SLC24A1: variants seen among roughly 807,000 people sequenced by gnomAD.
SLC24A1 encodes sodium/potassium/calcium exchanger 1.
Under a neutral mutation model 88.1 loss-of-function variants are expected in SLC24A1, and 52 were observed. The ratio of observed to expected loss-of-function variants is 0.59; its 90% confidence interval spans 0.47 to 0.74. The LOEUF is 0.74. SLC24A1 is among the 30% of genes least tolerant of loss of function. The pLI is 0.00. For synonymous variants in SLC24A1, 455 were observed against 498.0 expected, an observed-to-expected ratio of 0.91 and a Z score of 1.15; for missense variants, 1,173 against 1,363.3, an observed-to-expected ratio of 0.86 and a Z score of 2.20.
intron 4 of SLC24A1, among the ~76,000 whole-genome samples, chr15:65,641,646 T>G (rs1431766209): frequency 6.6e-6 from 1 of 152,224 alleles, no homozygotes; most frequent in Non-Finnish European, 1.5e-5. Flanking sequence ...GTTTGCAGAA[T>G]GGAAGCTGCA....
intron 3 of SLC24A1, among the ~76,000 whole-genome samples, chr15:65,639,120 C>G (rs2075037018): frequency 6.6e-6 from 1 of 152,204 alleles, no homozygotes; most frequent in African/African-American, 2.4e-5. Context: ...CACCTAGCTT[C>G]TTTGAGTTTT....
chr15:65,656,044 A>T lies in SLC24A1; in HGVS notation c.*1965A>T. ...GGCCTAAGAACAGGAGGAGAAGGCA[A>T]TGCTTGTGGGAGGGAGGTCCCAATA... On this transcript the variant is annotated 3_prime_UTR_variant, in exon 10 of 10. Coordinates refer to ENST00000261892, the MANE Select transcript of SLC24A1 (RefSeq NM_004727.3). 1 of 985,374 alleles carries T rather than the reference A, an allele frequency of 1.0e-6. No individual in the cohort carries two copies. The allele number at this position is 985,374 out of a possible 1,614,324, so 61.0% of individuals were successfully genotyped here.
chr15:65,633,946 A>G (rs2074819087), intron 2 of SLC24A1, among the ~76,000 whole-genome samples: 1 of 152,208 alleles, frequency 6.6e-6, no homozygotes. Flanking sequence ...GAGGCTGTGC[A>G]GGACTATAGG....
Position 65,650,964 on chromosome 15 carries a change from T to A in SLC24A1, c.2793+22T>A. The A allele has an allele frequency of 6.2e-7, 1 of 1,604,000 alleles. No individual in the cohort carries two copies. The highest frequency in any genetic ancestry group is 8.5e-7 in the Non-Finnish European group (1 of 1,170,914). Reference sequence around the variant, plus strand: ...GCAGGTGAGTGTGCCCATCTGTATCTCAGACTCTTTATCCCCAGCAGGGCT... The same window carrying A: ...GCAGGTGAGTGTGCCCATCTGTATCACAGACTCTTTATCCCCAGCAGGGCT... On this transcript the variant is annotated intron_variant, in intron 7 of 9. Coordinates refer to ENST00000261892, the MANE Select transcript of SLC24A1 (RefSeq NM_004727.3). This position sits in a 1 kb window ranked among gnomAD's most constrained non-coding sequence, Gnocchi z 4.1.
At chr15:65,656,441 TA>T (rs777815277), downstream of SLC24A1, among the ~76,000 whole-genome samples, 4 of 152,236 alleles carry the variant, frequency 2.6e-5, no homozygotes, top group Non-Finnish European at 5.9e-5. Context: ...AAAACTTGTG[TA>T]ACTTTTAAAA....
intron 5 of SLC24A1, among the ~76,000 whole-genome samples, chr15:65,645,038 C>A (rs1402845196): frequency 6.6e-6 from 1 of 152,176 alleles, no homozygotes; most frequent in Non-Finnish European, 1.5e-5. Context: ...GCACAGCACA[C>A]CAGGACTGCC....
At chr15:65,630,408 C>T (rs1031772034) in intron 2 of SLC24A1, among the ~76,000 whole-genome samples, 16 of 152,312 alleles carry the variant, frequency 1.1e-4, no homozygotes, top group Admixed American at 7.2e-4. Context: ...ATCCTAAGGG[C>T]TTCTATCAGT....
At position 65,625,226 on chromosome 15, in the gene SLC24A1, G is replaced by C; in HGVS notation, c.1146G>C (p.Thr382=). The change falls in exon 2 of 10, where the codon ACG becomes ACC. Residue 382 remains threonine (T), a synonymous_variant. Coordinates refer to ENST00000261892, the MANE Select transcript of SLC24A1 (RefSeq NM_004727.3). ...STAPSTSTTP[T]VRAKLTMQVH... ...CACCCAGCACCTCAACAACCCCTAC[G>C]GTCAGGGCAAAGCTGACCATGCAGG... 6.2e-7 allele frequency: 1 copy of C among 1,613,828 alleles called. No individual in the cohort carries two copies. The highest frequency in any genetic ancestry group is 1.1e-5 in the South Asian group (1 of 91,056).
chr15:65,651,560 C>T, intron 7 of SLC24A1, 110 bp from the exon 8 acceptor site: 1 of 678,782 alleles, frequency 1.5e-6, no homozygotes, highest in South Asian at 1.6e-5. Flanking sequence ...CATTTTGCCT[C>T]CATCACTCTT....
At chr15:65,623,378 C>T (rs1465081310) in intron 1 of SLC24A1, among the ~76,000 whole-genome samples, 1 of 152,158 alleles carries the variant, frequency 6.6e-6, no homozygotes, top group Non-Finnish European at 1.5e-5. Flanking sequence ...CCCCATGATC[C>T]TCCCACCATG....
intron 2 of SLC24A1, among the ~76,000 whole-genome samples, chr15:65,626,478 G>A (rs1401182578): frequency 2.0e-5 from 3 of 152,182 alleles, no homozygotes; most frequent in African/African-American, 7.2e-5. Context: ...TGGAGGGGCT[G>A]ATGGCTTGGA....
At position 65,655,023 on chromosome 15, in the gene SLC24A1, T is replaced by C; in HGVS notation, c.*944T>C. 9.5e-7 allele frequency: 1 copy of C among 1,049,148 alleles called. No individual in the cohort carries two copies. Among genetic ancestry groups the C allele is most frequent in the South Asian group, 2.9e-5 (1 of 34,016 alleles). The allele number at this position is 1,049,148 out of a possible 1,614,324, so 65.0% of individuals were successfully genotyped here. ...TAATTTGCCCTTGAATTGGAAGGAA[T>C]GGAGATTAGGGAAGGAAAACTACTC... On this transcript the variant is annotated 3_prime_UTR_variant, in exon 10 of 10. Coordinates refer to ENST00000261892, the MANE Select transcript of SLC24A1 (RefSeq NM_004727.3).
intron 2 of SLC24A1, among the ~76,000 whole-genome samples, chr15:65,613,258 G>A (rs1351518709): frequency 6.6e-6 from 1 of 152,162 alleles, no homozygotes; most frequent in Non-Finnish European, 1.5e-5. Context: ...GCTTTGAAAG[G>A]CAGTGTTTGA....
intron 8 of SLC24A1, 72 bp downstream of exon 8, chr15:65,651,831 G>A (rs185983162): frequency 1.3e-5 from 10 of 791,670 alleles, no homozygotes; most frequent in Admixed American, 7.7e-5. Flanking sequence ...ATCAATCTCC[G>A]GTACTCAGGG....
At chr15:65,623,583 C>G (rs535752968) in intron 1 of SLC24A1, among the ~76,000 whole-genome samples, 11 of 152,266 alleles carry the variant, frequency 7.2e-5, no homozygotes, top group Non-Finnish European at 1.3e-4. Context: ...TAAGGTGAGA[C>G]CTGTGGCCTG....
intron 2 of SLC24A1, among the ~76,000 whole-genome samples, chr15:65,627,395 T>G (rs1010986147): frequency 5.9e-5 from 9 of 152,190 alleles, no homozygotes; most frequent in African/African-American, 2.2e-4. Context: ...TCAACTGAGC[T>G]TCTATTGTGT....
At chr15:65,656,367 C>G, downstream of SLC24A1, 1 of 526,604 alleles carries the variant, frequency 1.9e-6, no homozygotes, top group Non-Finnish European at 2.4e-6. Context: ...AAAATGAAAG[C>G]TGAGTCTTGA....
chr15:65,612,111 A>C (rs981554374), intron 1 of SLC24A1: 6 of 152,286 alleles, frequency 3.9e-5, no homozygotes, highest in African/African-American at 1.4e-4. Context: ...CACTCTGGCC[A>C]CCTGGTGTCT....
chr15:65,652,496 G>A (rs1204837247), intron 8 of SLC24A1, 146 bp from the exon 9 acceptor site: 9 of 621,808 alleles, frequency 1.4e-5, no homozygotes, highest in South Asian at 2.3e-5. Flanking sequence ...CTCAGCTGTC[G>A]GTCCCCCTAT....
Sources: gnomAD v4.1 joint callset for allele counts (sites outside exome capture counted in the v4.1 genomes callset) on GRCh38, gnomAD v4.1.1 for gene constraint, Gnocchi (gnomAD v3.1) non-coding constraint, MANE v1.5 for transcripts, NCBI Gene and HGNC (gene_info 2026-07-23, HGNC 2026-07-21) for gene names.